Variants in DRC11 observed in about 807,000 individuals in gnomAD.
DRC11 encodes dynein regulatory complex subunit 11, also known as IQ and AAA domain-containing protein 1.
At chr2:236,493,234 C>T in the DRC11 span, among the ~76,000 whole-genome samples, 4 of 152,030 alleles carry the variant, frequency 2.6e-5, no homozygotes, top group African/African-American at 9.7e-5. Flanking sequence ...CAGGAAAGAC[C>T]CACCTCCATG....
chr2:236,436,788 T>C, the DRC11 span, among the ~76,000 whole-genome samples: 2 of 152,212 alleles, frequency 1.3e-5, no homozygotes, highest in Admixed American at 1.3e-4. Flanking sequence ...GCTTGCATGG[T>C]ACCTGGCACA....
At chr2:236,421,165 CA>C in the DRC11 span, among the ~76,000 whole-genome samples, 33 of 152,140 alleles carry the variant, frequency 2.2e-4, no homozygotes, top group African/African-American at 7.5e-4. Flanking sequence ...GAAGCAAGAG[CA>C]AACACATTCA....
chr2:236,414,608 G>A, the DRC11 span, among the ~76,000 whole-genome samples: 1 of 152,140 alleles, frequency 6.6e-6, no homozygotes, highest in Non-Finnish European at 1.5e-5. Flanking sequence ...TTACAGGTGT[G>A]AGCCACTGGG....
At chr2:236,411,932 A>C in the DRC11 span, among the ~76,000 whole-genome samples, 13 of 148,334 alleles carry the variant, frequency 8.8e-5, no homozygotes, top group Non-Finnish European at 1.9e-4. Context: ...GCATTGGGAG[A>C]TATACCTAAT....
the DRC11 span, among the ~76,000 whole-genome samples, chr2:236,446,068 T>C: frequency 6.6e-6 from 1 of 152,182 alleles, no homozygotes; most frequent in Non-Finnish European, 1.5e-5. This position sits in a 1 kb window ranked among gnomAD's most constrained non-coding sequence, Gnocchi z 6.2. Context: ...AGTTCTATTT[T>C]ATATTCCTGA....
the DRC11 span, among the ~76,000 whole-genome samples, chr2:236,335,356 G>A: frequency 7.8e-4 from 119 of 152,246 alleles, no homozygotes; most frequent in Non-Finnish European, 1.1e-3. This position sits in a 1 kb window ranked among gnomAD's most constrained non-coding sequence, Gnocchi z 5.6. Flanking sequence ...CGATGACGTC[G>A]GCCAGAATGG....
the DRC11 span, chr2:236,419,051 C>T: frequency 7.0e-7 from 1 of 1,426,226 alleles, no homozygotes; most frequent in East Asian, 2.6e-5. This position sits in a 1 kb window ranked among gnomAD's most constrained non-coding sequence, Gnocchi z 4.8. Flanking sequence ...AACGGCTGCA[C>T]TCCCAACAGA....
the DRC11 span, chr2:236,332,564 T>A: frequency 6.6e-6 from 1 of 152,322 alleles, no homozygotes; most frequent in South Asian, 2.1e-4. The surrounding 1 kb of genome is among the most constrained non-coding windows in gnomAD (Gnocchi z 5.1). Flanking sequence ...TGAAACCATT[T>A]TTTAAAAAAT....
the DRC11 span, among the ~76,000 whole-genome samples, chr2:236,354,715 C>A: frequency 1.3e-5 from 2 of 152,202 alleles, no homozygotes; most frequent in African/African-American, 2.4e-5. Flanking sequence ...ACAACACCTG[C>A]GGATGCCACT....
the DRC11 span, among the ~76,000 whole-genome samples, chr2:236,459,632 T>TATACGTATATATGTATATAC: frequency 1.9e-4 from 26 of 139,574 alleles, no homozygotes; most frequent in South Asian, 2.6e-3. Flanking sequence ...TACATACGTA[T>TATACGTATATATGTATATAC]ATACGTATAT....
chr2:236,419,337 T>A, the DRC11 span: 13 of 1,489,902 alleles, frequency 8.7e-6, no homozygotes, highest in Non-Finnish European at 1.1e-5. This position sits in a 1 kb window ranked among gnomAD's most constrained non-coding sequence, Gnocchi z 4.8. Flanking sequence ...CTGTTTTCCC[T>A]GTCTGAAAGG....
At chr2:236,426,495 C>T in the DRC11 span, among the ~76,000 whole-genome samples, 2 of 150,322 alleles carry the variant, frequency 1.3e-5, no homozygotes, top group Admixed American at 6.6e-5. This position sits in a 1 kb window ranked among gnomAD's most constrained non-coding sequence, Gnocchi z 4.1. Context: ...TTGTATCTTG[C>T]AACTTTACTA....
At chr2:236,315,023 C>T in the DRC11 span, among the ~76,000 whole-genome samples, 58 of 152,302 alleles carry the variant, frequency 3.8e-4, no homozygotes, top group Non-Finnish European at 6.3e-4. The surrounding 1 kb of genome is among the most constrained non-coding windows in gnomAD (Gnocchi z 5.1). Context: ...ATGACTTACT[C>T]TATGGATGCA....
the DRC11 span, among the ~76,000 whole-genome samples, chr2:236,371,455 C>A: frequency 6.6e-6 from 1 of 152,118 alleles, no homozygotes; most frequent in African/African-American, 2.4e-5. The surrounding 1 kb of genome is among the most constrained non-coding windows in gnomAD (Gnocchi z 5.1). Context: ...TTTCCAGAGG[C>A]AGGGGGGCAT....
chr2:236,397,113 G>A, the DRC11 span, among the ~76,000 whole-genome samples: 4,628 of 152,332 alleles, frequency 0.03, 102 homozygotes, highest in Middle Eastern at 0.11. The surrounding 1 kb of genome is among the most constrained non-coding windows in gnomAD (Gnocchi z 5.0). Context: ...AAGCGCAGTG[G>A]CCACAGGGGC....
the DRC11 span, among the ~76,000 whole-genome samples, chr2:236,381,863 G>C: frequency 6.6e-6 from 1 of 151,908 alleles, no homozygotes; most frequent in Non-Finnish European, 1.5e-5. The surrounding 1 kb of genome is among the most constrained non-coding windows in gnomAD (Gnocchi z 5.8). Flanking sequence ...TATATGTCTA[G>C]TATATGAATA....
chr2:236,407,707 C>G, the DRC11 span: 1 of 261,830 alleles, frequency 3.8e-6, no homozygotes, highest in South Asian at 4.6e-5. Context: ...GCATCATTTC[C>G]CCCCTGTGAT....
chr2:236,429,917 G>T, the DRC11 span, among the ~76,000 whole-genome samples: 1 of 152,148 alleles, frequency 6.6e-6, no homozygotes, highest in Non-Finnish European at 1.5e-5. The surrounding 1 kb of genome is among the most constrained non-coding windows in gnomAD (Gnocchi z 5.9). Flanking sequence ...GAAAACTGTA[G>T]GATCCTCTGC....
chr2:236,407,175 A>G, the DRC11 span, among the ~76,000 whole-genome samples: 1 of 152,240 alleles, frequency 6.6e-6, no homozygotes, highest in Non-Finnish European at 1.5e-5. Flanking sequence ...TTCCCCCACA[A>G]AAGAAATACA....
Sources: allele counts gnomAD v4.1 joint callset (sites outside exome capture counted in the v4.1 genomes callset), GRCh38; gene constraint gnomAD v4.1.1; non-coding constraint Gnocchi (gnomAD v3.1); transcripts MANE v1.5; gene names NCBI Gene and HGNC (gene_info 2026-07-23, HGNC 2026-07-21).